ADAMTS17: variants seen among roughly 807,000 people sequenced by gnomAD.
The protein encoded by ADAMTS17 is A disintegrin and metalloproteinase with thrombospondin motifs 17.
ADAMTS17 carries 113 observed loss-of-function variants against 141.5 expected under a neutral mutation model. That is an observed-to-expected ratio of 0.80 (90% CI 0.69 to 0.93). The LOEUF (loss-of-function observed/expected upper bound fraction) is 0.93. ADAMTS17 is among the 40% of genes least tolerant of loss of function. The probability of loss-of-function intolerance (pLI) is 0.00; values close to 1 mark genes in which losing one functional copy is unlikely to be tolerated. For synonymous variants in ADAMTS17, 768 were observed against 630.6 expected (o/e 1.22, Z -3.27); for missense variants, 1,659 against 1,517.9 (o/e 1.09, Z -1.54).
chr15:100,149,998 C>A (rs2039087688), intron 10 of ADAMTS17, among the ~76,000 whole-genome samples: 3 of 152,210 alleles, frequency 2.0e-5, no homozygotes, highest in African/African-American at 7.2e-5. Context: ...ACTGTCATTC[C>A]ATCACTCCCC....
At chr15:100,099,143 G>A (rs901549653) in intron 14 of ADAMTS17, among the ~76,000 whole-genome samples, 2 of 152,206 alleles carry the variant, frequency 1.3e-5, no homozygotes, top group African/African-American at 2.4e-5. Flanking sequence ...AATGCATACA[G>A]CGTTGCCCTT....
chr15:100,019,671 T>A (rs2061364808), intron 18 of ADAMTS17, among the ~76,000 whole-genome samples: 1 of 152,320 alleles, frequency 6.6e-6, no homozygotes, highest in East Asian at 1.9e-4. Flanking sequence ...CTTACTGCAA[T>A]CTCCTGATTT....
chr15:100,164,998 T>C (rs1262973964), intron 8 of ADAMTS17, among the ~76,000 whole-genome samples: 1 of 152,194 alleles, frequency 6.6e-6, no homozygotes, highest in Non-Finnish European at 1.5e-5. Context: ...TCCCATTCTT[T>C]TTGGCTCCCA....
intron 18 of ADAMTS17, among the ~76,000 whole-genome samples, chr15:100,000,409 G>A (rs757738591): frequency 2.6e-5 from 4 of 152,208 alleles, no homozygotes; most frequent in Admixed American, 6.5e-5. Flanking sequence ...ACTCAGTCAC[G>A]ACTTTTCTTC....
At chr15:100,162,351 A>G (rs1234655583) in intron 8 of ADAMTS17, among the ~76,000 whole-genome samples, 1 of 148,456 alleles carries the variant, frequency 6.7e-6, no homozygotes, top group Non-Finnish European at 1.5e-5. Context: ...CTATATACCT[A>G]TATATAACTA....
At chr15:100,011,077 G>T (rs1201554011) in intron 18 of ADAMTS17, among the ~76,000 whole-genome samples, 1 of 151,422 alleles carries the variant, frequency 6.6e-6, no homozygotes, top group Non-Finnish European at 1.5e-5. Flanking sequence ...CTAACAGTGA[G>T]GACTACTGAG....
chr15:100,258,080 C>G (rs2043386496), intron 6 of ADAMTS17, among the ~76,000 whole-genome samples: 1 of 152,198 alleles, frequency 6.6e-6, no homozygotes, highest in Non-Finnish European at 1.5e-5. Context: ...GTAATATTCC[C>G]TTGTACATAT....
chr15:100,321,018 T>C (rs564161010), intron 3 of ADAMTS17, among the ~76,000 whole-genome samples: 2 of 152,094 alleles, frequency 1.3e-5, no homozygotes, highest in African/African-American at 2.4e-5. Context: ...TAATTCTAAC[T>C]GCAAAAACAT....
intron 7 of ADAMTS17, among the ~76,000 whole-genome samples, chr15:100,236,382 T>C (rs1036829386): frequency 1.3e-5 from 2 of 149,916 alleles, no homozygotes; most frequent in African/African-American, 4.9e-5. Context: ...CCAGCATCCA[T>C]AGCCCTGCCC....
chr15:100,185,238 G>A (rs1199049983), intron 8 of ADAMTS17, among the ~76,000 whole-genome samples: 1 of 152,168 alleles, frequency 6.6e-6, no homozygotes, highest in Non-Finnish European at 1.5e-5. Flanking sequence ...TGGAGAGAAC[G>A]ACAGGAATTA....
chr15:100,274,924 G>C (rs1030077840), intron 4 of ADAMTS17, among the ~76,000 whole-genome samples: 1 of 152,102 alleles, frequency 6.6e-6, no homozygotes, highest in Non-Finnish European at 1.5e-5. Flanking sequence ...TAGGATTAAA[G>C]TTATAACACT....
intron 3 of ADAMTS17, among the ~76,000 whole-genome samples, chr15:100,324,307 A>C (rs769542631): frequency 5.9e-5 from 9 of 152,162 alleles, no homozygotes; most frequent in Non-Finnish European, 7.4e-5. Context: ...TCCGTCTCAA[A>C]TAAATAAATA....
At chr15:100,011,236 C>T (rs1455125580) in intron 18 of ADAMTS17, among the ~76,000 whole-genome samples, 1 of 49,964 alleles carries the variant, frequency 2.0e-5, no homozygotes, top group African/African-American at 8.1e-5. Flanking sequence ...GGTTAGTTCT[C>T]ATTTGCTGGG....
chr15:100,059,850 C>G (rs555783671), intron 15 of ADAMTS17, among the ~76,000 whole-genome samples: 1 of 152,278 alleles, frequency 6.6e-6, no homozygotes, highest in South Asian at 2.1e-4. Flanking sequence ...TTCCACAGCC[C>G]TATGCATAAT....
At chr15:100,056,990 G>A (rs748962929) in intron 15 of ADAMTS17, among the ~76,000 whole-genome samples, 1 of 152,134 alleles carries the variant, frequency 6.6e-6, no homozygotes. Flanking sequence ...GCTTTCAGCT[G>A]AGCGTGTAAG....
At chr15:100,309,633 A>G (rs1403481933) in intron 3 of ADAMTS17, among the ~76,000 whole-genome samples, 1 of 152,206 alleles carries the variant, frequency 6.6e-6, no homozygotes, top group Non-Finnish European at 1.5e-5. Context: ...CAACGTACAA[A>G]GGCACAGATG....
At chr15:100,332,393 T>C (rs949949422) in intron 2 of ADAMTS17, among the ~76,000 whole-genome samples, 7 of 152,002 alleles carry the variant, frequency 4.6e-5, no homozygotes, top group Non-Finnish European at 8.8e-5. Context: ...CAAGAAAGAG[T>C]GGGCAGGGTA....
intron 7 of ADAMTS17, among the ~76,000 whole-genome samples, chr15:100,236,420 T>G (rs985731604): frequency 6.6e-6 from 1 of 151,480 alleles, no homozygotes; most frequent in Non-Finnish European, 1.5e-5. Context: ...ACATCTGGGG[T>G]GAGGTCCAGC....
chr15:100,076,962 C>T (rs1191168351), intron 15 of ADAMTS17, among the ~76,000 whole-genome samples: 1 of 152,000 alleles, frequency 6.6e-6, no homozygotes, highest in Non-Finnish European at 1.5e-5. Context: ...TATATATCTA[C>T]TCACCTACTA....
Sources: gnomAD v4.1 joint callset for allele counts (sites outside exome capture counted in the v4.1 genomes callset) on GRCh38, gnomAD v4.1.1 for gene constraint, MANE v1.5 for transcripts, NCBI Gene and HGNC (gene_info 2026-07-23, HGNC 2026-07-21) for gene names.